The following CDK10 variants were observed in gnomAD, a reference collection of about 807,000 sequenced individuals.
CDK10 encodes cyclin-dependent kinase 10.
Under a neutral mutation model 51.0 loss-of-function variants are expected in CDK10, and 55 were observed. The observed-to-expected ratio is 1.08, with a 90% CI of 0.87 to 1.35. The LOEUF (loss-of-function observed/expected upper bound fraction) is 1.35, where lower values mean the gene tolerates loss of function less well. Ranked by LOEUF, CDK10 falls within the 40% of genes most tolerant of loss-of-function variation. The pLI, the probability that CDK10 is intolerant of heterozygous loss-of-function variation, is 0.00. For synonymous variants in CDK10, 255 were observed against 199.1 expected (o/e 1.28, Z -2.36); for missense variants, 589 against 485.1 (o/e 1.21, Z -2.01).
rs563949090 is a variant in CDK10, at chr16:89,695,897, C to G, written c.*205C>G. The G allele has an allele frequency of 5.5e-5, 64 of 1,154,480 alleles. No individual in the cohort carries two copies. The highest frequency in any genetic ancestry group is 1.4e-5 in the South Asian group (1 of 73,244). The allele number at this position is 1,154,480 out of a possible 1,614,324, so 71.5% of individuals were successfully genotyped here. On this transcript the variant is annotated 3_prime_UTR_variant, in exon 13 of 13. Coordinates refer to ENST00000353379, the MANE Select transcript of CDK10 (RefSeq NM_052988.5). ...AAGGCCGGGTGACACCGGGGGGCTCCCAGCCCGTGCACCCTGGAAGGGCAG... is the reference window on the plus strand; with the variant it reads ...AAGGCCGGGTGACACCGGGGGGCTCGCAGCCCGTGCACCCTGGAAGGGCAG...
chr16:89,693,950 C>T (rs373714090), intron 8 of CDK10: 16 of 608,678 alleles, frequency 2.6e-5, no homozygotes, highest in African/African-American at 9.2e-5. Flanking sequence ...GCCGAGGGTC[C>T]GTGGTCCCTG....
chr16:89,690,323 C>T (rs949980656), intron 2 of CDK10: 3 of 575,270 alleles, frequency 5.2e-6, no homozygotes, highest in African/African-American at 3.7e-5. Flanking sequence ...CAGGGTCCAG[C>T]ACAGAGCAAA....
At chr16:89,693,374 C>T (rs1317567784) in intron 7 of CDK10, 24 bp from the exon 8 acceptor site, 2 of 1,613,998 alleles carry the variant, frequency 1.2e-6, no homozygotes, top group African/African-American at 1.3e-5. Context: ...CACTTGGTGA[C>T]ACACACTCCC....
At chr16:89,688,077 C>CTTT (rs35911494) in intron 1 of CDK10, among the ~76,000 whole-genome samples, 23 of 75,408 alleles carry the variant, frequency 3.1e-4, no homozygotes, top group Middle Eastern at 7.5e-3. Flanking sequence ...GCTACGTGTG[C>CTTT]TTTTTTTTTT....
At chr16:89,693,976 C>T (rs189610369) in intron 8 of CDK10, 197 bp from the exon 9 acceptor site, 95 of 629,188 alleles carry the variant, frequency 1.5e-4, no homozygotes, top group Admixed American at 1.2e-3. Flanking sequence ...CTCAGGACAC[C>T]GCTGCACGTG....
chr16:89,692,556 C>A, intron 6 of CDK10, 40 bp downstream of exon 6: 1 of 1,492,546 alleles, frequency 6.7e-7, no homozygotes, highest in Non-Finnish European at 9.1e-7. Flanking sequence ...ACAAATTCGG[C>A]TGAGGCCTAA....
chr16:89,686,702 G>A lies in CDK10; in HGVS notation c.-9G>A, dbSNP rs529314445. 1 of 1,567,166 alleles carries A rather than the reference G, an allele frequency of 6.4e-7. No homozygotes were observed. On this transcript the variant is annotated 5_prime_UTR_variant, in exon 1 of 13. Transcript: ENST00000353379. The stretch of plus-strand genomic sequence containing the variant: ...CCTGCGCGCAAGAGAGGCGGGGCCA[G>A]CGCTCGGCATGGCGGAGCCAGATCT...
Position 89,694,067 on chromosome 16 carries a change from G to C in CDK10, c.609-106G>C, listed in dbSNP as rs2060579933. ...TGGGGCAGAGGGTGGTCCGAGTTGG[G>C]ACAGGTTTCCAGGCCACCACAGGCT... On this transcript the variant is annotated intron_variant, in intron 8 of 12. Coordinates refer to ENST00000353379, the MANE Select transcript of CDK10 (RefSeq NM_052988.5). The C allele has an allele frequency of 1.7e-5, 20 of 1,157,568 alleles. No homozygotes were observed. The Admixed American group carries it at 3.5e-4, about 20-fold the overall frequency. The allele number at this position is 1,157,568 out of a possible 1,614,324, so 71.7% of individuals were successfully genotyped here.
chr16:89,694,652 C>CT lies in CDK10; in HGVS notation c.669-12dup, dbSNP rs1484342124. ...AGACGTCTGGCCGCAGTGAGGTCCA[C>CT]TGTTCTCTGCAGGGCTGTGGGCTGC... On this transcript the variant is annotated splice_polypyrimidine_tract_variant and intron_variant, in intron 9 of 12. Transcript: ENST00000353379. 2 of 1,583,774 alleles carry CT rather than the reference C, an allele frequency of 1.3e-6. No individual in the cohort carries two copies. Among genetic ancestry groups the CT allele is most frequent in the Admixed American group, 3.5e-5 (2 of 56,460 alleles).
intron 11 of CDK10, 91 bp downstream of exon 11, chr16:89,695,161 C>A: frequency 6.5e-7 from 1 of 1,542,260 alleles, no homozygotes. Flanking sequence ...GTGGAGAGGC[C>A]CCTCCCCAGG....
rs1267728320 is a variant in CDK10 at position 89,695,714 on chromosome 16, G to T, written c.*22G>T. 7 of 1,591,276 alleles carry T rather than the reference G, an allele frequency of 4.4e-6. No homozygotes were observed. In the Admixed American group the frequency reaches 7.0e-5, roughly 16 times the overall value. On this transcript the variant is annotated 3_prime_UTR_variant, in exon 13 of 13. Coordinates refer to ENST00000353379, the MANE Select transcript of CDK10 (RefSeq NM_052988.5). ...CTGACGGTGGGCCTGGCACACGCCT[G>T]TATTCCCACACCAGGTCTTCCGATC...
intron 5 of CDK10, 21 bp from the exon 6 acceptor site, chr16:89,692,428 T>G (rs2060494057): frequency 6.6e-7 from 1 of 1,523,764 alleles, no homozygotes; most frequent in Non-Finnish European, 8.8e-7. Context: ...CCCTGACTGG[T>G]ACCTCTGACC....
At chr16:89,694,010 T>C (rs1160787704) in intron 8 of CDK10, 163 bp from the exon 9 acceptor site, 4 of 693,560 alleles carry the variant, frequency 5.8e-6, no homozygotes, top group African/African-American at 3.6e-5. Flanking sequence ...CCGGCAACCA[T>C]TGCTGTGTGT....
At chr16:89,689,685 T>A (rs2060355551) in intron 2 of CDK10, 1 of 220,944 alleles carries the variant, frequency 4.5e-6, no homozygotes, top group Admixed American at 5.3e-5. Flanking sequence ...CAGGTGTTTT[T>A]TCTTTTTGTT....
chr16:89,695,769 A>T lies in CDK10; in HGVS notation c.*77A>T. 6.3e-7 allele frequency: 1 copy of T among 1,583,810 alleles called. No individual in the cohort carries two copies. The highest frequency in any genetic ancestry group is 8.6e-7 in the Non-Finnish European group (1 of 1,168,062). On this transcript the variant is annotated 3_prime_UTR_variant, in exon 13 of 13. Transcript: ENST00000353379. ...GTGTCTGTGAAGGGTGCCGCGAGCC[A>T]GGCTGACCAGGCGCCCGGGATCCAG...
In CDK10 at chr16:89,692,598, C is replaced by T. The variant is rs896827953; in HGVS notation, c.485+82C>T. ...TGCCCCTGTGGAGTTACTAAAAGCT[C>T]AGGGGTTCCCAGCTGCAGCAGCCTG... On this transcript the variant is annotated intron_variant, in intron 6 of 12. Coordinates refer to ENST00000353379, the MANE Select transcript of CDK10 (RefSeq NM_052988.5). 8.8e-6 allele frequency: 9 copies of T among 1,022,838 alleles called. No homozygotes were observed. The Admixed American group carries it at 1.9e-4, about 22-fold the overall frequency. 63.4% of individuals were successfully genotyped at this position (1,022,838 alleles called of 1,614,324 possible). A position where few individuals can be genotyped will look rare whatever the true frequency, so the allele number is the denominator to read the frequency against.
intron 1 of CDK10, among the ~76,000 whole-genome samples, chr16:89,688,077 C>CTTTT (rs35911494): frequency 6.6e-5 from 5 of 75,408 alleles, no homozygotes; most frequent in Non-Finnish European, 6.8e-5. Flanking sequence ...GCTACGTGTG[C>CTTTT]TTTTTTTTTT....
chr16:89,691,909 G>A lies in CDK10; in HGVS notation c.417+22G>A, dbSNP rs756790426. On this transcript the variant is annotated intron_variant, in intron 5 of 12. Coordinates refer to ENST00000353379, the MANE Select transcript of CDK10 (RefSeq NM_052988.5). ...TCAGGTGCGTGGCAGAGGGGCCTGG[G>A]GTGGGGGAATGGGCTTCATGGGCCC... is the stretch of plus-strand genomic sequence containing the variant. 6 of 1,608,876 alleles carry A rather than the reference G, an allele frequency of 3.7e-6. No individual in the cohort carries two copies. The Admixed American group carries it at 8.4e-5, about 22-fold the overall frequency.
chr16:89,691,644 G>T, intron 4 of CDK10, 99 bp downstream of exon 4: 1 of 1,247,584 alleles, frequency 8.0e-7, no homozygotes, highest in South Asian at 1.3e-5. Context: ...TGGGCATGAG[G>T]TTGTCAGAGA....
Sources: gnomAD v4.1 joint callset for allele counts (sites outside exome capture counted in the v4.1 genomes callset) on GRCh38, gnomAD v4.1.1 for gene constraint, MANE v1.5 for transcripts, NCBI Gene and HGNC (gene_info 2026-07-23, HGNC 2026-07-21) for gene names.